The following FASTKD2 variants were observed in gnomAD, a reference collection of about 807,000 sequenced individuals.
FASTKD2 encodes the protein FAST kinase domains 2.
FASTKD2 carries 51 observed loss-of-function variants against 63.6 expected under a neutral mutation model. The ratio of observed to expected loss-of-function variants is 0.80; its 90% CI spans 0.64 to 1.01. The LOEUF (loss-of-function observed/expected upper bound fraction) is 1.01. FASTKD2 is among the 50% of genes least tolerant of loss of function. The pLI, the probability that FASTKD2 is intolerant of heterozygous loss-of-function variation, is 0.00. For synonymous variants in FASTKD2, 284 were observed against 293.4 expected, an observed-to-expected ratio of 0.97 and a Z score of 0.33; for missense variants, 786 against 831.1, an observed-to-expected ratio of 0.95 and a Z score of 0.67.
At chr2:206,773,785 A>G (rs1234758242) in intron 6 of FASTKD2, among the ~76,000 whole-genome samples, 1 of 152,168 alleles carries the variant, frequency 6.6e-6, no homozygotes, top group Non-Finnish European at 1.5e-5. Context: ...AATATTAAAT[A>G]TAGAAATTTT....
intron 6 of FASTKD2, among the ~76,000 whole-genome samples, chr2:206,773,273 C>T (rs2105975234): frequency 6.7e-6 from 1 of 148,180 alleles, no homozygotes. Flanking sequence ...TGAGATTGTG[C>T]CACTGTACTC....
chr2:206,795,142 C>A lies in FASTKD2; in HGVS notation c.*3340C>A, dbSNP rs920881819. ...AGGGCCTGAGAGGTGGACCATCAGACTCCACCCTGTTTTGCGCTGACTTGT... is the reference window on the plus strand; with the variant it reads ...AGGGCCTGAGAGGTGGACCATCAGAATCCACCCTGTTTTGCGCTGACTTGT... On this transcript the variant is annotated 3_prime_UTR_variant, in exon 12 of 12. Transcript: ENST00000402774. 6.6e-6 allele frequency among the ~76,000 whole-genome samples: 1 copy of A among 152,238 alleles called. No individual in the cohort carries two copies. The highest frequency in any genetic ancestry group is 1.5e-5 in the Non-Finnish European group (1 of 68,034).
intron 10 of FASTKD2, 92 bp from the exon 11 acceptor site, chr2:206,790,480 G>A: frequency 3.7e-6 from 3 of 817,592 alleles, no homozygotes; most frequent in Non-Finnish European, 4.3e-6. Context: ...TCGGTGGAGA[G>A]CTCAACTTGG....
rs77797215 is a variant in FASTKD2 at position 206,794,882 on chromosome 2, C to A, written c.*3080C>A. The stretch of plus-strand genomic sequence containing the variant: ...GACATCTCTAAGCAAATAGAAGTTT[C>A]TGTAAGATAGAGATTTGGGGCATCT... On this transcript the variant is annotated 3_prime_UTR_variant, in exon 12 of 12. Transcript: ENST00000402774. Among the ~76,000 whole-genome samples the A allele has an allele frequency of 0.035, 5,337 of 152,286 alleles. 126 individuals are homozygous for A. Among genetic ancestry groups the A allele is most frequent in the East Asian group, 0.056 (288 of 5,176 alleles).
rs1165080825 is a variant in FASTKD2, at chr2:206,795,863, GAGCCAGCAA to G, written c.*4062_*4070del. Among the ~76,000 whole-genome samples, 1 of 152,196 alleles carries G rather than the reference GAGCCAGCAA, an allele frequency of 6.6e-6. No individual in the cohort carries two copies. The highest frequency in any genetic ancestry group is 2.4e-5 in the African/African-American group (1 of 41,442). ...TTGTGGCTAAAATAATGTGGCTCTG[GAGCCAGCAA>G]TGGGCAGCATCTTCATGACTTTCCA... On this transcript the variant is annotated 3_prime_UTR_variant, in exon 12 of 12. Coordinates refer to ENST00000402774, the MANE Select transcript of FASTKD2 (RefSeq NM_001136193.2).
chr2:206,783,059 C>T (rs1209820999), intron 7 of FASTKD2, among the ~76,000 whole-genome samples: 2 of 151,954 alleles, frequency 1.3e-5, no homozygotes, highest in Non-Finnish European at 2.9e-5. Flanking sequence ...TGAAAGAGAA[C>T]ATCTGATTGA....
At position 206,767,269 on chromosome 2, in the gene FASTKD2, C is replaced by T; in HGVS notation, c.576C>T (p.Ala192=). ...SNYFTAMWTI[A]KRLSDDQKRF... is the part of the protein sequence containing the mutation. ...ATTTCACAGCAATGTGGACAATTGC[C>T]AAAAGACTGTCTGATGACCAGAAGC... The change falls in exon 2 of 12, where the codon GCC becomes GCT. Residue 192 remains alanine (A), a synonymous_variant. Coordinates refer to ENST00000402774, the MANE Select transcript of FASTKD2 (RefSeq NM_001136193.2). The T allele has an allele frequency of 6.2e-7, 1 of 1,614,182 alleles. No homozygotes were observed. Among genetic ancestry groups the T allele is most frequent in the East Asian group, 2.2e-5 (1 of 44,870 alleles).
At chr2:206,776,180 A>G (rs1432000937) in intron 7 of FASTKD2, among the ~76,000 whole-genome samples, 1 of 151,652 alleles carries the variant, frequency 6.6e-6, no homozygotes, top group South Asian at 2.1e-4. Context: ...AATCCTGACA[A>G]GAAAACTTAA....
intron 7 of FASTKD2, among the ~76,000 whole-genome samples, chr2:206,778,018 G>A (rs771741529): frequency 7.9e-5 from 12 of 151,664 alleles, no homozygotes; most frequent in Admixed American, 4.6e-4. Flanking sequence ...TGTCTTGTTC[G>A]TCTCTTATTT....
At chr2:206,789,986 CT>C (rs1690239260) in intron 10 of FASTKD2, 4 of 150,876 alleles carry the variant, frequency 2.7e-5, no homozygotes, top group African/African-American at 7.3e-5. Context: ...TTTTTTTTTT[CT>C]TTTTTTCTCC....
chr2:206,770,590 T>C (rs1465518364), intron 3 of FASTKD2, among the ~76,000 whole-genome samples: 2 of 150,736 alleles, frequency 1.3e-5, no homozygotes, highest in African/African-American at 4.9e-5. Flanking sequence ...ATTAGCCGGG[T>C]GTGGTGGTGG....
At position 206,793,867 on chromosome 2, in the gene FASTKD2, A is replaced by T. The variant is rs951329017; in HGVS notation, c.*2065A>T. On this transcript the variant is annotated 3_prime_UTR_variant, in exon 12 of 12. Coordinates refer to ENST00000402774, the MANE Select transcript of FASTKD2 (RefSeq NM_001136193.2). Reference sequence around the variant, plus strand: ...GTTCAGTCTACTTGTAAAGACATGCACATTGAAACAGAAGAGATGGTTTTG... The same window carrying T: ...GTTCAGTCTACTTGTAAAGACATGCTCATTGAAACAGAAGAGATGGTTTTG... 1.3e-5 allele frequency among the ~76,000 whole-genome samples: 2 copies of T among 152,232 alleles called. No homozygotes were observed. Among genetic ancestry groups the T allele is most frequent in the South Asian group, 2.1e-4 (1 of 4,834 alleles).
intron 7 of FASTKD2, among the ~76,000 whole-genome samples, chr2:206,778,880 A>G (rs575290700): frequency 6.6e-6 from 1 of 152,158 alleles, no homozygotes; most frequent in Non-Finnish European, 1.5e-5. Context: ...TGAGAATCTA[A>G]TGCCTTATGA....
Position 206,793,783 on chromosome 2 carries a change from C to G in FASTKD2, c.*1981C>G, listed in dbSNP as rs539483074. Among the ~76,000 whole-genome samples, 2 of 152,250 alleles carry G rather than the reference C, an allele frequency of 1.3e-5. No individual in the cohort carries two copies. The highest frequency in any genetic ancestry group is 3.9e-4 in the East Asian group (2 of 5,178). On this transcript the variant is annotated 3_prime_UTR_variant, in exon 12 of 12. Transcript: ENST00000402774. The stretch of plus-strand genomic sequence containing the variant: ...TTACTAGCATTCTAGTGTTAGCATT[C>G]TTCATTGCTTTGTGTCAATGAAAGA...
chr2:206,791,104 A>C lies in FASTKD2; in HGVS notation c.2013+418A>C, dbSNP rs183060591. 6 of 231,266 alleles carry C rather than the reference A, an allele frequency of 2.6e-5. No homozygotes were observed. In the South Asian group the frequency reaches 3.6e-4, roughly 14 times the overall value. The allele number at this position is 231,266 out of a possible 1,614,324, so 14.3% of individuals were successfully genotyped here. A position where few individuals can be genotyped will look rare whatever the true frequency, so the allele number is the denominator to read the frequency against. On this transcript the variant is annotated intron_variant, in intron 11 of 11. Transcript: ENST00000402774. The stretch of plus-strand genomic sequence containing the variant: ...TTGCCAGAAAAGGCTGGATGGTTTT[A>C]AGAAGATGGGTCTTTCTCTTCCCTC...
rs1183258704 is a variant in FASTKD2, at chr2:206,765,630, C to G, written c.-168C>G. On this transcript the variant is annotated 5_prime_UTR_variant, in exon 1 of 12. Coordinates refer to ENST00000402774, the MANE Select transcript of FASTKD2 (RefSeq NM_001136193.2). ...GGAAGCTGTCATGGCTGCTCCTGTA[C>G]GTAGTCACGGTCTTGTGCTCTAAGG... The G allele has an allele frequency of 2.7e-6, 2 of 727,770 alleles. No individual in the cohort carries two copies. Among genetic ancestry groups the G allele is most frequent in the African/African-American group, 1.9e-5 (1 of 53,064 alleles). The allele number at this position is 727,770 out of a possible 1,614,324, so 45.1% of individuals were successfully genotyped here. A position where few individuals can be genotyped will look rare whatever the true frequency, so the allele number is the denominator to read the frequency against.
At chr2:206,773,489 T>G (rs1689743956) in intron 6 of FASTKD2, among the ~76,000 whole-genome samples, 1 of 152,208 alleles carries the variant, frequency 6.6e-6, no homozygotes, top group Non-Finnish European at 1.5e-5. Flanking sequence ...GTCCATTGTT[T>G]TATCCAGAGT....
At position 206,788,857 on chromosome 2, in the gene FASTKD2, C is replaced by T; in HGVS notation, c.1852C>T (p.Leu618=). 2 of 1,587,622 alleles carry T rather than the reference C, an allele frequency of 1.3e-6. No homozygotes were observed. Among genetic ancestry groups the T allele is most frequent in the Middle Eastern group, 1.7e-4 (1 of 5,998 alleles). Residue 618 remains leucine (L), a synonymous_variant, in exon 10 of 12, where the codon CTA becomes TTA. Transcript: ENST00000402774. ...AATGGACACTAACAGGAATCAAGTG[C>T]TACCACTTTCTGATGTGGATACAAC... ...IRMDTNRNQV[L]PLSDVDTTSA...
chr2:206,771,134 CT>C (rs779995188), intron 3 of FASTKD2, 47 bp from the exon 4 acceptor site: 15 of 1,162,022 alleles, frequency 1.3e-5, no homozygotes, highest in Non-Finnish European at 1.8e-5. Context: ...GATTTTTCTT[CT>C]GCTTTGAAGA....
Sources: gnomAD v4.1 joint callset for allele counts (sites outside exome capture counted in the v4.1 genomes callset) on GRCh38, gnomAD v4.1.1 for gene constraint, MANE v1.5 for transcripts, NCBI Gene and HGNC (gene_info 2026-07-23, HGNC 2026-07-21) for gene names.